The following KCTD16 variants were observed in gnomAD, a reference collection of about 807,000 sequenced individuals.
KCTD16 encodes BTB/POZ domain-containing protein KCTD16.
In KCTD16, 13 loss-of-function variants were observed where a neutral mutation model predicts 33.2. That is an observed-to-expected ratio of 0.39 (90% CI 0.25 to 0.62). KCTD16 has a LOEUF of 0.62. Ranked by LOEUF, KCTD16 falls within the 20% of genes least tolerant of loss-of-function variation. The pLI is 0.50. For missense variants in KCTD16, 441 were observed against 525.1 expected, an observed-to-expected ratio of 0.84 and a Z score of 1.57; for synonymous variants, 197 against 195.3, an observed-to-expected ratio of 1.01 and a Z score of -0.07.
chr5:144,253,317 T>A (rs1047043782), intron 3 of KCTD16, among the ~76,000 whole-genome samples: 6 of 152,302 alleles, frequency 3.9e-5, no homozygotes, highest in African/African-American at 1.4e-4. Flanking sequence ...TGGGCTTCCA[T>A]AAAATATCTT....
intron 3 of KCTD16, among the ~76,000 whole-genome samples, chr5:144,336,244 C>T (rs971016050): frequency 5.9e-5 from 9 of 152,214 alleles, no homozygotes; most frequent in Non-Finnish European, 1.2e-4. Flanking sequence ...AAGTTCCAGA[C>T]ACGGCTTCTG....
intron 3 of KCTD16, among the ~76,000 whole-genome samples, chr5:144,243,776 G>C (rs559807684): frequency 6.6e-6 from 1 of 151,890 alleles, no homozygotes; most frequent in African/African-American, 2.4e-5. Context: ...AGAGAGTCTC[G>C]TTCTGTCACC....
chr5:144,391,160 A>C (rs1561590292), intron 3 of KCTD16, among the ~76,000 whole-genome samples: 1 of 152,210 alleles, frequency 6.6e-6, no homozygotes. Context: ...AGTGTTCTGC[A>C]TACAGTAGGT....
intron 2 of KCTD16, among the ~76,000 whole-genome samples, chr5:144,187,878 C>T (rs545128190): frequency 6.6e-6 from 1 of 152,308 alleles, no homozygotes; most frequent in South Asian, 2.1e-4. Context: ...AGCAGCTCTT[C>T]TACTTCAGGC....
chr5:144,482,832 C>G lies in KCTD16; in HGVS notation c.*8718C>G, dbSNP rs1277705253. On this transcript the variant is annotated 3_prime_UTR_variant, in exon 4 of 4. Coordinates refer to ENST00000512467, the MANE Select transcript of KCTD16 (RefSeq NM_020768.4). The stretch of plus-strand genomic sequence containing the variant: ...ATCTATAGCTGTACATATGTATACA[C>G]CCATAAACAAAGCTCATAGTTTAAA... 2.6e-5 allele frequency: 4 copies of G among 151,344 alleles called. No individual in the cohort carries two copies. Among genetic ancestry groups the G allele is most frequent in the Non-Finnish European group, 5.9e-5 (4 of 67,806 alleles). 9.4% of individuals were successfully genotyped at this position (151,344 alleles called of 1,614,324 possible).
At chr5:144,354,374 CT>C (rs1201055455) in intron 3 of KCTD16, among the ~76,000 whole-genome samples, 1 of 152,052 alleles carries the variant, frequency 6.6e-6, no homozygotes, top group Non-Finnish European at 1.5e-5. Flanking sequence ...ATCTGTAGAC[CT>C]TTTCCCAAAA....
chr5:144,222,734 C>G (rs936079374), intron 3 of KCTD16, among the ~76,000 whole-genome samples: 1 of 152,142 alleles, frequency 6.6e-6, no homozygotes, highest in Non-Finnish European at 1.5e-5. Flanking sequence ...GACAGCGTAG[C>G]GATTCCTCAA....
rs529464380 is a variant in KCTD16, at chr5:144,345,313, G to C, written c.833-128347G>C. ...GGCACATGTATACTTATGTAACTAA[G>C]CTGCACATTGTGCACATGTACCCTA... On this transcript the variant is annotated intron_variant, in intron 3 of 3. Coordinates refer to ENST00000512467, the MANE Select transcript of KCTD16 (RefSeq NM_020768.4). 1.8e-4 allele frequency among the ~76,000 whole-genome samples: 28 copies of C among 151,852 alleles called. No individual in the cohort carries two copies. The East Asian group carries it at 4.5e-3, about 24-fold the overall frequency.
At chr5:144,451,635 G>A (rs953324555) in intron 3 of KCTD16, among the ~76,000 whole-genome samples, 2 of 152,074 alleles carry the variant, frequency 1.3e-5, no homozygotes, top group African/African-American at 2.4e-5. Context: ...CACTTCTATT[G>A]AAACAGAAAC....
intron 3 of KCTD16, among the ~76,000 whole-genome samples, chr5:144,369,876 T>C (rs904915625): frequency 1.3e-5 from 2 of 152,128 alleles, no homozygotes; most frequent in Non-Finnish European, 1.5e-5. Context: ...ATAGGACTTA[T>C]AAGAAAACAT....
chr5:144,418,457 AC>A (rs931251888), intron 3 of KCTD16, among the ~76,000 whole-genome samples: 5 of 152,026 alleles, frequency 3.3e-5, no homozygotes, highest in African/African-American at 1.2e-4. Context: ...GTGTTTACAA[AC>A]CTTTAGCAAG....
At chr5:144,259,464 A>AT (rs1754946903) in intron 3 of KCTD16, among the ~76,000 whole-genome samples, 1 of 152,144 alleles carries the variant, frequency 6.6e-6, no homozygotes. Context: ...TTCGAAAACA[A>AT]TTACAGAACC....
intron 3 of KCTD16, among the ~76,000 whole-genome samples, chr5:144,233,964 AC>A (rs1177116806): frequency 6.6e-6 from 1 of 152,188 alleles, no homozygotes; most frequent in African/African-American, 2.4e-5. Context: ...TATTTACTAG[AC>A]AAAAGTCTCC....
At chr5:144,356,083 T>C (rs1751564232) in intron 3 of KCTD16, among the ~76,000 whole-genome samples, 1 of 152,188 alleles carries the variant, frequency 6.6e-6, no homozygotes, top group South Asian at 2.1e-4. Flanking sequence ...CTAAGAAGAT[T>C]ACAAAATTGT....
chr5:144,375,933 C>CGAGG (rs1580913599), intron 3 of KCTD16, among the ~76,000 whole-genome samples: 1 of 152,048 alleles, frequency 6.6e-6, no homozygotes, highest in Non-Finnish European at 1.5e-5. Context: ...GCCTCAGCCT[C>CGAGG]CTGAGGCAGG....
At chr5:144,335,605 G>A (rs953778039) in intron 3 of KCTD16, among the ~76,000 whole-genome samples, 8 of 152,182 alleles carry the variant, frequency 5.3e-5, no homozygotes, top group African/African-American at 1.7e-4. Flanking sequence ...TAGAACTTTG[G>A]TTTGGGTGTG....
chr5:144,195,932 C>T lies in KCTD16; in HGVS notation c.-326-10457C>T, dbSNP rs189392939. ...TTCCTCTTCTCTTAACAGCAGTCAT[C>T]ACTTTCTCCTGTGTGCCAGTTGTCT... On this transcript the variant is annotated intron_variant, in intron 2 of 3. Coordinates refer to ENST00000512467, the MANE Select transcript of KCTD16 (RefSeq NM_020768.4). Among the ~76,000 whole-genome samples the T allele has an allele frequency of 5.8e-3, 888 of 152,282 alleles. 2 individuals carry two copies. Among genetic ancestry groups the T allele is most frequent in the Non-Finnish European group, 9.7e-3 (659 of 68,004 alleles).
intron 3 of KCTD16, among the ~76,000 whole-genome samples, chr5:144,306,790 A>G (rs908044547): frequency 6.6e-6 from 1 of 152,124 alleles, no homozygotes; most frequent in African/African-American, 2.4e-5. Context: ...ACCTTTCTAA[A>G]TTCCTGAAAA....
At chr5:144,465,049 G>C (rs1365436887) in intron 3 of KCTD16, among the ~76,000 whole-genome samples, 1 of 152,144 alleles carries the variant, frequency 6.6e-6, no homozygotes, top group Non-Finnish European at 1.5e-5. Flanking sequence ...AGAAGGTAGA[G>C]ATTAAGCATT....
Sources: allele counts gnomAD v4.1 joint callset (sites outside exome capture counted in the v4.1 genomes callset), GRCh38; gene constraint gnomAD v4.1.1; transcripts MANE v1.5; gene names NCBI Gene and HGNC (gene_info 2026-07-23, HGNC 2026-07-21).